The following KPNA5 variants were observed in gnomAD, a reference collection of about 807,000 sequenced individuals.
KPNA5 encodes karyopherin subunit alpha 5.
KPNA5 carries 46 observed loss-of-function variants against 71.3 expected under a neutral mutation model. That is an observed-to-expected ratio of 0.65 (90% confidence interval 0.51 to 0.83). The LOEUF (loss-of-function observed/expected upper bound fraction) is 0.83, where lower values mean the gene tolerates loss of function less well. Ranked by LOEUF, KPNA5 falls within the 40% of genes least tolerant of loss-of-function variation. The probability of loss-of-function intolerance (pLI) is 0.00; values close to 1 mark genes in which losing one functional copy is unlikely to be tolerated. For missense variants in KPNA5, 547 were observed against 628.3 expected (o/e 0.87, Z 1.38); for synonymous variants, 207 against 201.4 (o/e 1.03, Z -0.24).
chr6:116,688,112 T>A (rs1777664404), intron 1 of KPNA5, among the ~76,000 whole-genome samples: 1 of 152,114 alleles, frequency 6.6e-6, no homozygotes, highest in African/African-American at 2.4e-5. Context: ...TTCTCCCCAT[T>A]TCTCTTTCCT....
rs903242613 is a variant in KPNA5 at position 116,739,470 on chromosome 6, C to A, written c.*7147C>A. 53 of 152,136 alleles carry A rather than the reference C, an allele frequency of 3.5e-4. No homozygotes were observed. Among genetic ancestry groups the A allele is most frequent in the African/African-American group, 1.1e-3 (46 of 41,512 alleles). The allele number at this position is 152,136 out of a possible 1,614,324, so 9.4% of individuals were successfully genotyped here. A position where few individuals can be genotyped will look rare whatever the true frequency, so the allele number is the denominator to read the frequency against. Reference sequence around the variant, plus strand: ...TGCCATCCCCATCAAGCTACCAATGCCTTTCTTCACAGAATTGCAAAAAAC... The same window carrying A: ...TGCCATCCCCATCAAGCTACCAATGACTTTCTTCACAGAATTGCAAAAAAC... On this transcript the variant is annotated 3_prime_UTR_variant, in exon 14 of 14. Transcript: ENST00000368564.
chr6:116,690,914 T>G (rs1414127486), intron 2 of KPNA5, among the ~76,000 whole-genome samples: 2 of 152,156 alleles, frequency 1.3e-5, no homozygotes, highest in East Asian at 3.9e-4. Flanking sequence ...GTAGTTGAGT[T>G]GTTATACTGT....
At chr6:116,686,227 C>T (rs1777581434) in intron 1 of KPNA5, among the ~76,000 whole-genome samples, 1 of 151,960 alleles carries the variant, frequency 6.6e-6, no homozygotes, top group African/African-American at 2.4e-5. Context: ...TCATTTTGAC[C>T]TTTTAATAAT....
At chr6:116,702,961 C>T (rs1328931010) in intron 6 of KPNA5, among the ~76,000 whole-genome samples, 2 of 152,100 alleles carry the variant, frequency 1.3e-5, no homozygotes, top group East Asian at 3.9e-4. Flanking sequence ...GTACATAAAT[C>T]TGTTGTTCTG....
chr6:116,710,392 T>A (rs977605891), intron 7 of KPNA5, among the ~76,000 whole-genome samples: 129 of 151,166 alleles, frequency 8.5e-4, no homozygotes, highest in African/African-American at 2.4e-3. Flanking sequence ...TCTCTTTTTT[T>A]AAAAAAAAAA....
At chr6:116,723,307 T>C (rs1264614714) in intron 9 of KPNA5, among the ~76,000 whole-genome samples, 2 of 152,156 alleles carry the variant, frequency 1.3e-5, no homozygotes, top group Non-Finnish European at 2.9e-5. Flanking sequence ...GAAATAAATA[T>C]ATACATGTGT....
chr6:116,730,801 A>G (rs1779452722), intron 13 of KPNA5, among the ~76,000 whole-genome samples: 1 of 151,600 alleles, frequency 6.6e-6, no homozygotes, highest in African/African-American at 2.4e-5. Context: ...TTCATGAGTT[A>G]GTCTGTGTCC....
chr6:116,702,079 G>A lies in KPNA5; in HGVS notation c.496G>A (p.Val166Met). 1 of 1,613,874 alleles carries A rather than the reference G, an allele frequency of 6.2e-7. No homozygotes were observed. The highest frequency in any genetic ancestry group is 8.5e-7 in the Non-Finnish European group (1 of 1,179,880). Reference sequence around the variant, plus strand: ...TGGAACTTTTCTGCATACCAAGGTAGTGATTGAAACTGGGGCTGTTCCGAT... The same window carrying A: ...TGGAACTTTTCTGCATACCAAGGTAATGATTGAAACTGGGGCTGTTCCGAT... ...ASGTFLHTKV[V>M]IETGAVPIFI... The change falls in exon 6 of 14, where the codon GTG becomes ATG. Residue 166 changes from valine to methionine, a missense_variant. Transcript: ENST00000368564.
At chr6:116,690,221 T>C (rs190051700) in intron 2 of KPNA5, among the ~76,000 whole-genome samples, 1 of 152,344 alleles carries the variant, frequency 6.6e-6, no homozygotes, top group Admixed American at 6.5e-5. Flanking sequence ...AGGCATGTAA[T>C]AGGCAAGGCC....
Position 116,689,397 on chromosome 6 carries a change from C to G in KPNA5, c.82C>G (p.Arg28Gly). The change falls in exon 2 of 14, where the codon CGT (arginine) becomes GGT (glycine). Residue 28 changes from arginine to glycine, a missense_variant. By Grantham distance (125) the Arg-to-Gly change is moderately radical. Transcript: ENST00000368564. ...KNKALNPQEM[R>G]RRREEEGIQL... The stretch of plus-strand genomic sequence containing the variant: ...TAAAGCCCTAAATCCTCAAGAGATG[C>G]GTAGACGAAGAGAAGAAGAAGGAAT... The G allele has an allele frequency of 6.2e-7, 1 of 1,607,952 alleles. No homozygotes were observed. The highest frequency in any genetic ancestry group is 8.5e-7 in the Non-Finnish European group (1 of 1,177,480).
At chr6:116,726,750 C>A in intron 12 of KPNA5, 128 bp downstream of exon 12, 1 of 840,354 alleles carries the variant, frequency 1.2e-6, no homozygotes, top group African/African-American at 1.8e-5. Context: ...GAAATGACAG[C>A]ATGTATTATA....
intron 7 of KPNA5, among the ~76,000 whole-genome samples, chr6:116,712,028 C>T (rs1055407602): frequency 4.6e-5 from 7 of 152,178 alleles, no homozygotes; most frequent in East Asian, 1.9e-4. Flanking sequence ...ATTGAACCTC[C>T]GCCCCCAGGT....
intron 7 of KPNA5, among the ~76,000 whole-genome samples, chr6:116,709,409 G>T (rs75821770): frequency 0.01 from 1,550 of 152,266 alleles, 78 homozygotes; most frequent in Admixed American, 0.089. Context: ...CATTGGCCAG[G>T]CTGGTCTTGA....
intron 1 of KPNA5, among the ~76,000 whole-genome samples, chr6:116,683,698 C>G (rs530177233): frequency 2.1e-4 from 32 of 151,630 alleles, no homozygotes; most frequent in Non-Finnish European, 3.5e-4. Context: ...AGTCTCCCTC[C>G]CGGGGTCTCC....
At chr6:116,687,728 A>G (rs1349851323) in intron 1 of KPNA5, among the ~76,000 whole-genome samples, 1 of 152,134 alleles carries the variant, frequency 6.6e-6, no homozygotes, top group African/African-American at 2.4e-5. Flanking sequence ...TCCTCACCAG[A>G]TATCTGTTAC....
intron 4 of KPNA5, 23 bp from the exon 5 acceptor site, chr6:116,698,681 C>T: frequency 7.4e-7 from 1 of 1,358,080 alleles, no homozygotes; most frequent in Non-Finnish European, 1.0e-6. Context: ...TTTGTAATAA[C>T]TGAAGTCTTT....
intron 1 of KPNA5, among the ~76,000 whole-genome samples, chr6:116,688,005 C>T (rs1313468447): frequency 1.3e-5 from 2 of 152,160 alleles, no homozygotes; most frequent in Non-Finnish European, 2.9e-5. Flanking sequence ...CATGCATCCT[C>T]ATTTTGGACA....
intron 7 of KPNA5, among the ~76,000 whole-genome samples, chr6:116,714,107 G>C (rs957104008): frequency 6.6e-5 from 10 of 151,992 alleles, no homozygotes; most frequent in Non-Finnish European, 8.8e-5. Flanking sequence ...AAATTTCTTT[G>C]CATGCCTCAT....
chr6:116,693,696 C>T (rs1583407779), intron 4 of KPNA5, among the ~76,000 whole-genome samples: 1 of 152,242 alleles, frequency 6.6e-6, no homozygotes, highest in Non-Finnish European at 1.5e-5. Context: ...TGCCTGTTCA[C>T]TCTGATGGTC....
Sources: gnomAD v4.1 joint callset for allele counts (sites outside exome capture counted in the v4.1 genomes callset) on GRCh38, gnomAD v4.1.1 for gene constraint, MANE v1.5 for transcripts, NCBI Gene and HGNC (gene_info 2026-07-23, HGNC 2026-07-21) for gene names.